Variants in RPS14 observed in about 807,000 individuals in gnomAD.
RPS14 encodes the protein small ribosomal subunit protein uS11.
RPS14 carries 1 observed loss-of-function variant against 15.4 expected under a neutral mutation model. The observed-to-expected ratio is 0.07, with a 90% CI of 0.02 to 0.31. The LOEUF is 0.31. Ranked by LOEUF, RPS14 falls within the 10% of genes least tolerant of loss-of-function variation. The pLI, the probability that RPS14 is intolerant of heterozygous loss-of-function variation, is 1.00. For missense variants in RPS14, 69 were observed against 205.5 expected, an observed-to-expected ratio of 0.34 and a Z score of 4.06; for synonymous variants, 68 against 74.4, an observed-to-expected ratio of 0.91 and a Z score of 0.44.
At chr5:150,449,088 G>A (rs1039177827) in intron 1 of RPS14, 2 of 152,242 alleles carry the variant, frequency 1.3e-5, no homozygotes, top group East Asian at 1.9e-4. Context: ...AACGAGCAGA[G>A]TGGTCATCAG....
In RPS14 at chr5:150,446,751, C is replaced by T. The variant is rs779701150; in HGVS notation, c.311+51G>A. The T allele has an allele frequency of 2.5e-6, 4 of 1,588,490 alleles. No individual in the cohort carries two copies. In the South Asian group the frequency reaches 4.6e-5, roughly 18 times the overall value. On this transcript the variant is annotated intron_variant, in intron 3 of 4. Coordinates refer to ENST00000407193, the MANE Select transcript of RPS14 (RefSeq NM_005617.4). The surrounding 1 kb of genome is among the most constrained non-coding windows in gnomAD (Gnocchi z 4.2). ...ACCTCAAATCCAGGTGCTCCAGCAC[C>T]CAAGCCCAGCAGGTTTTCTACCACC...
chr5:150,446,682 A>G lies in RPS14; in HGVS notation c.311+120T>C, dbSNP rs956816956. On this transcript the variant is annotated intron_variant, in intron 3 of 4. Transcript: ENST00000407193. The surrounding 1 kb of genome is among the most constrained non-coding windows in gnomAD (Gnocchi z 4.2). ...CACAGGAGCCAATTATTAAGTATGTATATGCCTAAAATATCTTGTTCAAGG... is the reference window on the plus strand; with the variant it reads ...CACAGGAGCCAATTATTAAGTATGTGTATGCCTAAAATATCTTGTTCAAGG... 4 of 1,076,432 alleles carry G rather than the reference A, an allele frequency of 3.7e-6. No individual in the cohort carries two copies. In the African/African-American group the frequency reaches 4.7e-5, roughly 13 times the overall value. 66.7% of individuals were successfully genotyped at this position (1,076,432 alleles called of 1,614,324 possible). A position where few individuals can be genotyped will look rare whatever the true frequency, so the allele number is the denominator to read the frequency against.
intron 2 of RPS14, chr5:150,447,382 C>G: frequency 1.7e-6 from 1 of 601,916 alleles, no homozygotes; most frequent in South Asian, 2.1e-5. Context: ...CAATGACCAT[C>G]ACGCTGTAAG....
chr5:150,449,305 A>G (rs2748240), intron 1 of RPS14: 60,976 of 152,056 alleles, frequency 0.4, 13,836 homozygotes, highest in East Asian at 0.6. Flanking sequence ...CTATTTTGCA[A>G]ACGAGGAAAC....
Position 150,443,303 on chromosome 5 carries a change from C to T in RPS14, c.*983G>A, listed in dbSNP as rs1450677538. On this transcript the variant is annotated 3_prime_UTR_variant, in exon 5 of 5. Coordinates refer to ENST00000407193, the MANE Select transcript of RPS14 (RefSeq NM_005617.4). ...ATTAGGTATATCTCCTAATGCTATCCCTCCCGCCTCCCCAGGAGTACTGTT... is the reference window on the plus strand; with the variant it reads ...ATTAGGTATATCTCCTAATGCTATCTCTCCCGCCTCCCCAGGAGTACTGTT... 6.6e-6 allele frequency: 1 copy of T among 152,028 alleles called. No individual in the cohort carries two copies. Among genetic ancestry groups the T allele is most frequent in the Non-Finnish European group, 1.5e-5 (1 of 68,036 alleles). 9.4% of individuals were successfully genotyped at this position (152,028 alleles called of 1,614,324 possible).
chr5:150,449,039 C>G (rs1771191309), intron 1 of RPS14: 1 of 152,176 alleles, frequency 6.6e-6, no homozygotes, highest in African/African-American at 2.4e-5. Flanking sequence ...TCAGTAAATG[C>G]CAATTTGCAG....
chr5:150,447,994 C>A (rs1771155814), intron 1 of RPS14: 1 of 416,998 alleles, frequency 2.4e-6, no homozygotes, highest in Non-Finnish European at 4.4e-6. Flanking sequence ...GCTCACAGCA[C>A]CTACAAGATA....
chr5:150,447,996 T>C, intron 1 of RPS14: 1 of 410,150 alleles, frequency 2.4e-6, no homozygotes. Flanking sequence ...TCACAGCACC[T>C]ACAAGATAGA....
chr5:150,443,267 C>T lies in RPS14; in HGVS notation c.*1019G>A, dbSNP rs1015171023. The T allele has an allele frequency of 6.6e-6, 1 of 151,932 alleles. No individual in the cohort carries two copies. Among genetic ancestry groups the T allele is most frequent in the Admixed American group, 6.6e-5 (1 of 15,250 alleles). 9.4% of individuals were successfully genotyped at this position (151,932 alleles called of 1,614,324 possible). A position where few individuals can be genotyped will look rare whatever the true frequency, so the allele number is the denominator to read the frequency against. On this transcript the variant is annotated 3_prime_UTR_variant, in exon 5 of 5. Coordinates refer to ENST00000407193, the MANE Select transcript of RPS14 (RefSeq NM_005617.4). ...TGTTGGTGTGCTGCACCCATTAACT[C>T]GTCATTTAGCATTAGGTATATCTCC...
At chr5:150,447,356 C>T in intron 2 of RPS14, 1 of 576,190 alleles carries the variant, frequency 1.7e-6, no homozygotes, top group Non-Finnish European at 3.1e-6. Flanking sequence ...AGATAATTCC[C>T]AAGAAACCAA....
rs974672787 is a variant in RPS14, at chr5:150,449,684, T to A, written c.-3+19A>T. ...CTCGCCGCAGGATGCCCCCCGATTG[T>A]CGCGCCCGGGCCTCCTACCTGCACG... On this transcript the variant is annotated intron_variant, in intron 1 of 4. Transcript: ENST00000407193. 6.6e-6 allele frequency: 1 copy of A among 152,176 alleles called. No individual in the cohort carries two copies. The highest frequency in any genetic ancestry group is 1.5e-5 in the Non-Finnish European group (1 of 68,108). The allele number at this position is 152,176 out of a possible 1,614,324, so 9.4% of individuals were successfully genotyped here.
chr5:150,444,458 C>G (rs1771029017), intron 4 of RPS14, 105 bp from the exon 5 acceptor site: 6 of 858,962 alleles, frequency 7.0e-6, no homozygotes, highest in African/African-American at 1.7e-5. Flanking sequence ...TCCTGCTGCT[C>G]CCCAAATGAC....
intron 1 of RPS14, 166 bp downstream of exon 1, chr5:150,449,537 G>C (rs773845458): frequency 1.3e-5 from 2 of 152,202 alleles, no homozygotes; most frequent in Admixed American, 1.3e-4. Flanking sequence ...CTGAGACCAG[G>C]AACGAACTCA....
At chr5:150,449,296 T>C (rs1771200718) in intron 1 of RPS14, 1 of 152,246 alleles carries the variant, frequency 6.6e-6, no homozygotes, top group African/African-American at 2.4e-5. Flanking sequence ...TTGTTATTCC[T>C]ATTTTGCAAA....
Position 150,445,632 on chromosome 5 carries a change from G to C in RPS14, c.365C>G (p.Ser122Trp). 6.2e-7 allele frequency: 1 copy of C among 1,612,832 alleles called. No individual in the cohort carries two copies. Among genetic ancestry groups the C allele is most frequent in the Non-Finnish European group, 8.5e-7 (1 of 1,179,734 alleles). The change falls in exon 4 of 5, where the codon TCG (serine) becomes TGG (tryptophan). Residue 122 changes from serine (S) to tryptophan (W), a missense_variant. Ser to Trp is a radical substitution (Grantham distance 177). Coordinates refer to ENST00000407193, the MANE Select transcript of RPS14 (RefSeq NM_005617.4). ...ACCAATCCGCCCGATCTTCATACCC[G>C]AGCGGGCAAGGGCTCTGAGGGCCGA... ...AQSALRALAR[S>W]GMKIGRIEDV...
At chr5:150,447,013 T>C (rs112988787) in intron 2 of RPS14, 50 bp from the exon 3 acceptor site, 3 of 1,595,814 alleles carry the variant, frequency 1.9e-6, no homozygotes, top group South Asian at 2.2e-5. Context: ...CAAGGAGTGC[T>C]TACGATATCC....
chr5:150,447,027 T>C, intron 2 of RPS14, 64 bp from the exon 3 acceptor site: 1 of 1,574,910 alleles, frequency 6.3e-7, no homozygotes, highest in Non-Finnish European at 8.7e-7. Context: ...GATATCCTAA[T>C]GAGTGAAGAG....
At position 150,445,542 on chromosome 5, in the gene RPS14, C is replaced by A. The variant is rs778793026; in HGVS notation, c.388+67G>T. ...CCAGCCGCTGCACATCCACTGGGCA[C>A]AGCACGTGCTTTTTGGGGCCAATGC... On this transcript the variant is annotated intron_variant, in intron 4 of 4. Coordinates refer to ENST00000407193, the MANE Select transcript of RPS14 (RefSeq NM_005617.4). 2.7e-6 allele frequency: 4 copies of A among 1,456,418 alleles called. No individual in the cohort carries two copies. In the Admixed American group the frequency reaches 5.0e-5, roughly 18 times the overall value. The allele number at this position is 1,456,418 out of a possible 1,614,324, so 90.2% of individuals were successfully genotyped here.
rs537734751 is a variant in RPS14 at position 150,443,146 on chromosome 5, A to G, written c.*1140T>C. Reference sequence around the variant, plus strand: ...TTTTAACAATTTAAGGAGTACTGTTATATTTTTTTTGCAAGCTTTTTTTTT... The same window carrying G: ...TTTTAACAATTTAAGGAGTACTGTTGTATTTTTTTTGCAAGCTTTTTTTTT... On this transcript the variant is annotated 3_prime_UTR_variant, in exon 5 of 5. Transcript: ENST00000407193. 16 of 150,138 alleles carry G rather than the reference A, an allele frequency of 1.1e-4. No homozygotes were observed. Among genetic ancestry groups the G allele is most frequent in the African/African-American group, 3.0e-4 (12 of 40,472 alleles). The allele number at this position is 150,138 out of a possible 1,614,324, so 9.3% of individuals were successfully genotyped here.
Sources: gnomAD v4.1 joint callset for allele counts on GRCh38, gnomAD v4.1.1 for gene constraint, Gnocchi (gnomAD v3.1) non-coding constraint, MANE v1.5 for transcripts, NCBI Gene and HGNC (gene_info 2026-07-23, HGNC 2026-07-21) for gene names.